The following ULK4 variants were observed in gnomAD, a reference collection of about 807,000 sequenced individuals.
The protein encoded by ULK4 is unc-51 like kinase 4.
In ULK4, 133 loss-of-function variants were observed where a neutral mutation model predicts 160.6. The observed-to-expected ratio is 0.83, with a 90% CI of 0.72 to 0.96. The LOEUF is 0.96. Among genes scored for constraint, ULK4 ranks in the 40% least tolerant of loss-of-function variants. The pLI is 0.00. For synonymous variants in ULK4, 534 were observed against 539.8 expected, an observed-to-expected ratio of 0.99 and a Z score of 0.15; for missense variants, 1,580 against 1,499.5, an observed-to-expected ratio of 1.05 and a Z score of -0.89.
chr3:41,274,308 G>C (rs2079193122), intron 35 of ULK4, among the ~76,000 whole-genome samples: 1 of 152,122 alleles, frequency 6.6e-6, no homozygotes, highest in Non-Finnish European at 1.5e-5. Context: ...TTGGATACCT[G>C]TGATATTTCC....
At chr3:41,813,829 C>T (rs867626373) in intron 19 of ULK4, among the ~76,000 whole-genome samples, 1 of 152,172 alleles carries the variant, frequency 6.6e-6, no homozygotes, top group South Asian at 2.1e-4. Flanking sequence ...GGAACAGAAA[C>T]GATGTTGTTT....
At chr3:41,500,347 T>G (rs2085154925) in intron 32 of ULK4, among the ~76,000 whole-genome samples, 1 of 152,036 alleles carries the variant, frequency 6.6e-6, no homozygotes, top group African/African-American at 2.4e-5. Context: ...CCCTGATTTT[T>G]AAAAACTATC....
intron 32 of ULK4, among the ~76,000 whole-genome samples, chr3:41,534,930 T>C (rs1023128477): frequency 6.6e-6 from 1 of 152,188 alleles, no homozygotes; most frequent in African/African-American, 2.4e-5. Context: ...TATGGCAATA[T>C]ATGAGAAAAA....
intron 19 of ULK4, among the ~76,000 whole-genome samples, chr3:41,808,039 G>C (rs1018755878): frequency 5.9e-5 from 9 of 152,092 alleles, no homozygotes; most frequent in African/African-American, 2.2e-4. Context: ...GCCTTAACTG[G>C]ACAGGTACCC....
At chr3:41,254,709 C>G (rs2078801334) in intron 35 of ULK4, among the ~76,000 whole-genome samples, 1 of 151,866 alleles carries the variant, frequency 6.6e-6, no homozygotes, top group Non-Finnish European at 1.5e-5. Flanking sequence ...TGGTGAAACC[C>G]TGTCTCTACT....
At chr3:41,794,100 G>C (rs1277829165) in intron 20 of ULK4, among the ~76,000 whole-genome samples, 2 of 152,200 alleles carry the variant, frequency 1.3e-5, no homozygotes, top group Non-Finnish European at 2.9e-5. Flanking sequence ...AAATGTTAAT[G>C]TTGCTGGTGT....
At chr3:41,644,384 TGA>T (rs2034380651) in intron 30 of ULK4, among the ~76,000 whole-genome samples, 1 of 152,064 alleles carries the variant, frequency 6.6e-6, no homozygotes, top group Admixed American at 6.6e-5. Context: ...CCTAATTTAT[TGA>T]GAGTTTTTAG....
chr3:41,632,682 T>C (rs2033797003), intron 30 of ULK4, among the ~76,000 whole-genome samples: 1 of 151,782 alleles, frequency 6.6e-6, no homozygotes, highest in Admixed American at 6.6e-5. Flanking sequence ...ACAGTTACTA[T>C]CTGGAACTCA....
intron 22 of ULK4, among the ~76,000 whole-genome samples, chr3:41,744,270 T>C (rs2038342980): frequency 6.6e-6 from 1 of 151,976 alleles, no homozygotes; most frequent in Admixed American, 6.5e-5. Flanking sequence ...GCAGAGGTGA[T>C]ACAAAATTAT....
At chr3:41,459,612 G>A (rs939930757) in intron 33 of ULK4, among the ~76,000 whole-genome samples, 4 of 152,192 alleles carry the variant, frequency 2.6e-5, no homozygotes, top group African/African-American at 9.7e-5. Flanking sequence ...TATAATAGAG[G>A]TAGAAATAAA....
At chr3:41,820,651 G>C (rs558285654) in intron 18 of ULK4, among the ~76,000 whole-genome samples, 2 of 152,212 alleles carry the variant, frequency 1.3e-5, no homozygotes, top group East Asian at 1.9e-4. Context: ...ACAGGAGTAA[G>C]GGCTGAAAAA....
At chr3:41,909,436 C>T (rs568613571) in intron 11 of ULK4, among the ~76,000 whole-genome samples, 102 of 152,234 alleles carry the variant, frequency 6.7e-4, no homozygotes, top group African/African-American at 2.4e-3. Flanking sequence ...ATGGGGCAGG[C>T]ACTGTGGCTC....
intron 31 of ULK4, among the ~76,000 whole-genome samples, chr3:41,579,476 G>A (rs1006014262): frequency 6.9e-6 from 1 of 143,962 alleles, no homozygotes; most frequent in Non-Finnish European, 1.5e-5. Flanking sequence ...ACTTCAATCT[G>A]GAACTAATAT....
chr3:41,612,750 T>C (rs1197669556), intron 31 of ULK4, among the ~76,000 whole-genome samples: 4 of 152,054 alleles, frequency 2.6e-5, no homozygotes, highest in Non-Finnish European at 5.9e-5. Flanking sequence ...CCACTTCATT[T>C]GCCTGCATAA....
intron 12 of ULK4, among the ~76,000 whole-genome samples, chr3:41,905,610 TTC>T (rs1698525193): frequency 6.6e-6 from 1 of 152,040 alleles, no homozygotes; most frequent in African/African-American, 2.4e-5. Context: ...ATGTAAAAAA[TTC>T]TTACAACTAA....
chr3:41,755,118 A>G (rs890707391), intron 21 of ULK4, among the ~76,000 whole-genome samples: 1 of 152,202 alleles, frequency 6.6e-6, no homozygotes, highest in Non-Finnish European at 1.5e-5. Context: ...CAGAAAACAG[A>G]CACACATACA....
chr3:41,761,894 A>G (rs1181083799), intron 21 of ULK4, among the ~76,000 whole-genome samples: 2 of 152,032 alleles, frequency 1.3e-5, no homozygotes, highest in Non-Finnish European at 2.9e-5. Context: ...TGGGCAACAC[A>G]GCAAGACCTC....
At chr3:41,497,808 G>A (rs2085045370) in intron 32 of ULK4, among the ~76,000 whole-genome samples, 1 of 152,142 alleles carries the variant, frequency 6.6e-6, no homozygotes, top group Non-Finnish European at 1.5e-5. Context: ...CCTGAGGTCA[G>A]GAGTTCAAGA....
intron 30 of ULK4, among the ~76,000 whole-genome samples, chr3:41,646,916 T>C (rs972261488): frequency 6.6e-6 from 1 of 152,336 alleles, no homozygotes. Context: ...TTCTCTAAAC[T>C]TCCCTTCTCG....
Sources: gnomAD v4.1 joint callset for allele counts (sites outside exome capture counted in the v4.1 genomes callset) on GRCh38, gnomAD v4.1.1 for gene constraint, MANE v1.5 for transcripts, NCBI Gene and HGNC (gene_info 2026-07-23, HGNC 2026-07-21) for gene names.